Variants in SLA2 observed in about 807,000 individuals in gnomAD.
SLA2 encodes Src like adaptor 2.
Under a neutral mutation model 27.3 loss-of-function variants are expected in SLA2, and 22 were observed. That is an observed-to-expected ratio of 0.81 (90% CI 0.58 to 1.15). The LOEUF (loss-of-function observed/expected upper bound fraction) is 1.15, where lower values mean the gene tolerates loss of function less well. Among genes scored for constraint, SLA2 ranks in the 50% most tolerant of loss-of-function variants. The probability of loss-of-function intolerance (pLI) is 0.00; values close to 1 mark genes in which losing one functional copy is unlikely to be tolerated. For missense variants in SLA2, 304 were observed against 322.2 expected (o/e 0.94, Z 0.43); for synonymous variants, 131 against 137.8 (o/e 0.95, Z 0.34).
At chr20:36,642,335 T>C (rs1169861622) in intron 1 of SLA2, among the ~76,000 whole-genome samples, 2 of 149,290 alleles carry the variant, frequency 1.3e-5, no homozygotes, top group Non-Finnish European at 3.0e-5. Flanking sequence ...GTCCGAGAGA[T>C]AACGCACATG....
intron 1 of SLA2, among the ~76,000 whole-genome samples, chr20:36,645,048 T>C (rs1978286801): frequency 6.6e-6 from 1 of 151,288 alleles, no homozygotes; most frequent in Non-Finnish European, 1.5e-5. Flanking sequence ...GGGGTAAGAG[T>C]GATGAATTTG....
At chr20:36,643,463 G>C (rs2147999404) in intron 1 of SLA2, among the ~76,000 whole-genome samples, 1 of 152,336 alleles carries the variant, frequency 6.6e-6, no homozygotes, top group East Asian at 1.9e-4. Flanking sequence ...GGAGATCACT[G>C]AATGGGGTGG....
intron 5 of SLA2, among the ~76,000 whole-genome samples, chr20:36,619,035 G>A (rs946429261): frequency 2.0e-5 from 3 of 151,096 alleles, no homozygotes; most frequent in African/African-American, 7.3e-5. Flanking sequence ...AGATGCGTCT[G>A]ACTAACATGG....
chr20:36,630,771 C>T (rs776939503), intron 5 of SLA2, among the ~76,000 whole-genome samples: 1 of 152,138 alleles, frequency 6.6e-6, no homozygotes, highest in Non-Finnish European at 1.5e-5. Flanking sequence ...GGCAGCAGCT[C>T]AGAGGGAGGC....
At chr20:36,620,397 T>G (rs1424295834) in intron 5 of SLA2, 5 of 180,750 alleles carry the variant, frequency 2.8e-5, no homozygotes, top group East Asian at 3.4e-4. Flanking sequence ...ATAAAATAAA[T>G]AAAATAAAGA....
At chr20:36,638,292 A>C (rs1317894861) in intron 2 of SLA2, among the ~76,000 whole-genome samples, 1 of 151,988 alleles carries the variant, frequency 6.6e-6, no homozygotes, top group Non-Finnish European at 1.5e-5. Flanking sequence ...GAAAAACTTG[A>C]GATGGGGAAT....
intron 5 of SLA2, among the ~76,000 whole-genome samples, chr20:36,630,869 G>A (rs2039387109): frequency 6.6e-6 from 1 of 152,184 alleles, no homozygotes; most frequent in Admixed American, 6.5e-5. Flanking sequence ...GAATGTGCAT[G>A]TGGCCCGTTC....
At chr20:36,642,747 G>T (rs547982382) in intron 1 of SLA2, among the ~76,000 whole-genome samples, 2 of 152,216 alleles carry the variant, frequency 1.3e-5, no homozygotes, top group South Asian at 4.1e-4. Flanking sequence ...CACCACGCCT[G>T]GCCGATTTTG....
At chr20:36,621,128 C>G in intron 5 of SLA2, 1 of 410,218 alleles carries the variant, frequency 2.4e-6, no homozygotes, top group South Asian at 2.0e-5. Flanking sequence ...GGTGAGCCTG[C>G]TTATAGCAGT....
At chr20:36,623,833 T>G (rs1298640077) in intron 5 of SLA2, among the ~76,000 whole-genome samples, 1 of 152,106 alleles carries the variant, frequency 6.6e-6, no homozygotes, top group Non-Finnish European at 1.5e-5. Flanking sequence ...TCTTGAGCTG[T>G]GCTGTAACCC....
intron 2 of SLA2, among the ~76,000 whole-genome samples, chr20:36,637,639 T>TG (rs2039465236): frequency 7.0e-6 from 1 of 142,414 alleles, no homozygotes; most frequent in Non-Finnish European, 1.5e-5. Flanking sequence ...TTTTTTTTTT[T>TG]TTTTTTTGAG....
intron 2 of SLA2, among the ~76,000 whole-genome samples, chr20:36,638,389 C>A (rs1037827170): frequency 2.6e-5 from 4 of 151,466 alleles, no homozygotes; most frequent in African/African-American, 7.3e-5. Flanking sequence ...AGTGCAGTGG[C>A]TCGATCTTGG....
chr20:36,634,696 G>T, intron 2 of SLA2, 107 bp from the exon 3 acceptor site: 1 of 613,350 alleles, frequency 1.6e-6, no homozygotes, highest in Non-Finnish European at 2.8e-6. Context: ...CCCTCCACAA[G>T]CACCCTGAGG....
intron 3 of SLA2, 118 bp downstream of exon 3, chr20:36,634,372 C>T: frequency 1.4e-6 from 1 of 698,736 alleles, no homozygotes; most frequent in East Asian, 2.9e-5. Context: ...CAGCCTTGAG[C>T]TCCCGAGCTC....
At chr20:36,627,857 G>T (rs2147987655) in intron 5 of SLA2, among the ~76,000 whole-genome samples, 1 of 152,302 alleles carries the variant, frequency 6.6e-6, no homozygotes, top group Admixed American at 6.5e-5. Flanking sequence ...GTAGCTCAGG[G>T]CCCCAGGCCT....
intron 5 of SLA2, among the ~76,000 whole-genome samples, chr20:36,616,936 G>A (rs1028348023): frequency 6.6e-6 from 1 of 152,148 alleles, no homozygotes; most frequent in African/African-American, 2.4e-5. Context: ...TGTAGTCCGA[G>A]CTACTTGGAA....
At chr20:36,633,733 C>T (rs780234544) in intron 3 of SLA2, 104 bp from the exon 4 acceptor site, 3 of 892,400 alleles carry the variant, frequency 3.4e-6, no homozygotes, top group Non-Finnish European at 5.4e-6. Context: ...ATCCTGTGGC[C>T]ACCTGTCCTG....
chr20:36,633,162 TCCAGGCTCAGATGATCCTC>T lies in SLA2; in HGVS notation c.278+362_278+380del, dbSNP rs1280257013. ...TCACGGCTCACTGCAGCCTTGACCT[TCCAGGCTCAGATGATCCTC>T]CCACCTCAGCCTCCCTAGTAGCTGG... On this transcript the variant is annotated intron_variant, in intron 4 of 7. Transcript: ENST00000262866. 3.9e-5 allele frequency among the ~76,000 whole-genome samples: 6 copies of T among 152,060 alleles called. No homozygotes were observed. In the East Asian group the frequency reaches 5.8e-4, roughly 15 times the overall value.
Position 36,634,511 on chromosome 20 carries a change from T to G in SLA2, c.170A>C (p.Glu57Ala), listed in dbSNP as rs755784977. Residue 57 changes from glutamate to alanine, a missense_variant, in exon 3 of 8, where the codon GAG becomes GCG. Glu to Ala is a moderately radical substitution (Grantham distance 107). Coordinates refer to ENST00000262866, the MANE Select transcript of SLA2 (RefSeq NM_032214.4). ...TTACTCAGAGACGATGGTCAATGGC[T>G]CCCCGAGTCTCAGCGACAGCTCGGC... is the stretch of plus-strand genomic sequence containing the variant. ...GPAELSLRLG[E>A]PLTIVSEDGD... The G allele has an allele frequency of 3.1e-6, 5 of 1,610,820 alleles. No individual in the cohort carries two copies. Among genetic ancestry groups the G allele is most frequent in the Non-Finnish European group, 4.2e-6 (5 of 1,178,132 alleles).
Sources: gnomAD v4.1 joint callset for allele counts (sites outside exome capture counted in the v4.1 genomes callset) on GRCh38, gnomAD v4.1.1 for gene constraint, MANE v1.5 for transcripts, NCBI Gene and HGNC (gene_info 2026-07-23, HGNC 2026-07-21) for gene names.